Variants in ARHGAP12 observed in about 807,000 individuals in gnomAD.
The protein encoded by ARHGAP12 is rho GTPase-activating protein 12.
Under a neutral mutation model 108.6 loss-of-function variants are expected in ARHGAP12, and 64 were observed. The ratio of observed to expected loss-of-function variants is 0.59; its 90% CI spans 0.48 to 0.73. The LOEUF (loss-of-function observed/expected upper bound fraction) is 0.73. Ranked by LOEUF, ARHGAP12 falls within the 30% of genes least tolerant of loss-of-function variation. The pLI is 0.00. For missense variants in ARHGAP12, 940 were observed against 1,005.9 expected (o/e 0.93, Z 0.89); for synonymous variants, 312 against 337.2 (o/e 0.93, Z 0.82).
intron 3 of ARHGAP12, among the ~76,000 whole-genome samples, chr10:31,894,829 C>A (rs1485906559): frequency 6.6e-6 from 1 of 152,134 alleles, no homozygotes; most frequent in South Asian, 2.1e-4. Flanking sequence ...GGAGGCATCA[C>A]GCTACCTGAC....
intron 9 of ARHGAP12, among the ~76,000 whole-genome samples, chr10:31,838,463 C>G (rs1836113007): frequency 6.6e-6 from 1 of 152,100 alleles, no homozygotes. Flanking sequence ...AGGCATATCA[C>G]TTGAGGCCAC....
chr10:31,835,197 CAAAAGAAAAAAAAAAA>C (rs1835968984), intron 9 of ARHGAP12, among the ~76,000 whole-genome samples: 1 of 93,346 alleles, frequency 1.1e-5, no homozygotes, highest in Non-Finnish European at 2.2e-5. Flanking sequence ...GACTCCGTCT[CAAAAGAAAAAAAAAAA>C]AAAAGAAAAA....
intron 3 of ARHGAP12, among the ~76,000 whole-genome samples, chr10:31,870,315 C>T (rs756857902): frequency 7.9e-5 from 12 of 151,720 alleles, no homozygotes; most frequent in South Asian, 2.1e-4. Context: ...CTGCAACCTC[C>T]GCCTCCTGCG....
chr10:31,837,439 C>G (rs993700143), intron 9 of ARHGAP12, among the ~76,000 whole-genome samples: 1 of 152,142 alleles, frequency 6.6e-6, no homozygotes, highest in Non-Finnish European at 1.5e-5. Flanking sequence ...GAATTTAAAA[C>G]CTGGTAGGGA....
Position 31,820,503 on chromosome 10 carries a change from A to G in ARHGAP12, c.1531-15T>C. On this transcript the variant is annotated splice_polypyrimidine_tract_variant and intron_variant, in intron 11 of 19. Coordinates refer to ENST00000344936, the MANE Select transcript of ARHGAP12 (RefSeq NM_018287.7). ...TTACTGCCAAACTTCATTTTTGAAAAAGAAAAAAAACCTTCATGTGATACT... is the reference window on the plus strand; with the variant it reads ...TTACTGCCAAACTTCATTTTTGAAAGAGAAAAAAAACCTTCATGTGATACT... 2 of 1,550,546 alleles carry G rather than the reference A, an allele frequency of 1.3e-6. No individual in the cohort carries two copies. Among genetic ancestry groups the G allele is most frequent in the Non-Finnish European group, 1.7e-6 (2 of 1,150,554 alleles).
chr10:31,824,473 A>C (rs1304543712), intron 11 of ARHGAP12, among the ~76,000 whole-genome samples: 1 of 152,178 alleles, frequency 6.6e-6, no homozygotes, highest in Non-Finnish European at 1.5e-5. Flanking sequence ...CTATTGCCAC[A>C]TGGTAACAAA....
At chr10:31,843,259 C>A (rs571078308) in intron 7 of ARHGAP12, among the ~76,000 whole-genome samples, 1 of 152,210 alleles carries the variant, frequency 6.6e-6, no homozygotes, top group East Asian at 1.9e-4. Flanking sequence ...AATGTAGTCA[C>A]TAAAGTATGC....
intron 1 of ARHGAP12, among the ~76,000 whole-genome samples, chr10:31,923,736 A>C (rs1431133744): frequency 6.6e-6 from 1 of 152,218 alleles, no homozygotes; most frequent in African/African-American, 2.4e-5. Flanking sequence ...ATTTCCTAGA[A>C]TCAAACTAAT....
At chr10:31,829,956 C>T (rs1835768349) in intron 10 of ARHGAP12, among the ~76,000 whole-genome samples, 1 of 152,032 alleles carries the variant, frequency 6.6e-6, no homozygotes. Flanking sequence ...CAACAGACTG[C>T]AAGCAGAGAT....
chr10:31,870,524 C>T (rs868358199), intron 3 of ARHGAP12, among the ~76,000 whole-genome samples: 1 of 152,072 alleles, frequency 6.6e-6, no homozygotes, highest in Non-Finnish European at 1.5e-5. Flanking sequence ...CCACCGGACC[C>T]AGCCATAATT....
chr10:31,928,476 ACCC>A (rs58210242), intron 1 of ARHGAP12, among the ~76,000 whole-genome samples: 2 of 149,536 alleles, frequency 1.3e-5, no homozygotes, highest in Non-Finnish European at 3.0e-5. Flanking sequence ...TCGGCGCCTA[ACCC>A]CCGCGCCCAG....
At chr10:31,928,052 T>A (rs905723570) in intron 1 of ARHGAP12, among the ~76,000 whole-genome samples, 7 of 152,190 alleles carry the variant, frequency 4.6e-5, no homozygotes, top group African/African-American at 1.7e-4. Flanking sequence ...AGGTCAACAG[T>A]CCTCGAGGGA....
At chr10:31,830,300 C>T (rs1835786255) in intron 10 of ARHGAP12, among the ~76,000 whole-genome samples, 1 of 151,580 alleles carries the variant, frequency 6.6e-6, no homozygotes, top group Non-Finnish European at 1.5e-5. Flanking sequence ...TTGCTCAACT[C>T]AATGTAAATA....
chr10:31,843,716 AT>A, intron 6 of ARHGAP12, 130 bp from the exon 7 acceptor site: 2 of 1,067,736 alleles, frequency 1.9e-6, no homozygotes, highest in Non-Finnish European at 1.3e-6. Context: ...ATCTCCACAA[AT>A]TTTCCAGCCT....
chr10:31,922,557 C>A (rs1839869080), intron 1 of ARHGAP12, among the ~76,000 whole-genome samples: 2 of 151,918 alleles, frequency 1.3e-5, no homozygotes, highest in African/African-American at 4.8e-5. Context: ...GTGCATGCTA[C>A]CATGCCCTTC....
chr10:31,861,224 A>T (rs186976325), intron 4 of ARHGAP12, among the ~76,000 whole-genome samples, 171 bp downstream of exon 4: 1 of 152,364 alleles, frequency 6.6e-6, no homozygotes, highest in Admixed American at 6.5e-5. Flanking sequence ...GAGATTAGGA[A>T]GTAGCTAGCA....
Position 31,812,294 on chromosome 10 carries a change from G to C in ARHGAP12, c.1951+413C>G, listed in dbSNP as rs182282826. ...AATTAGTTAGAAAAAAACACCTTATGCTAATTTTTCAGTTACCTTAAATGA... is the reference window on the plus strand; with the variant it reads ...AATTAGTTAGAAAAAAACACCTTATCCTAATTTTTCAGTTACCTTAAATGA... On this transcript the variant is annotated intron_variant, in intron 15 of 19. Coordinates refer to ENST00000344936, the MANE Select transcript of ARHGAP12 (RefSeq NM_018287.7). 3.0e-4 allele frequency among the ~76,000 whole-genome samples: 46 copies of C among 152,132 alleles called. No individual in the cohort carries two copies. In the East Asian group the frequency reaches 8.5e-3, roughly 28 times the overall value.
chr10:31,928,575 C>G (rs1840171630), intron 1 of ARHGAP12, 108 bp downstream of exon 1: 1 of 153,256 alleles, frequency 6.5e-6, no homozygotes, highest in Non-Finnish European at 1.5e-5. Context: ...CACACGCCTC[C>G]CCCCGACTCC....
chr10:31,866,396 CAATCAGCTGCAGACTGT>C (rs1260810670), intron 3 of ARHGAP12, among the ~76,000 whole-genome samples: 1 of 152,158 alleles, frequency 6.6e-6, no homozygotes, highest in Non-Finnish European at 1.5e-5. Flanking sequence ...CATTGTACAA[CAATCAGCTGCAGACTGT>C]AATCTTTGAG....
Sources: allele counts gnomAD v4.1 joint callset (sites outside exome capture counted in the v4.1 genomes callset), GRCh38; gene constraint gnomAD v4.1.1; transcripts MANE v1.5; gene names NCBI Gene and HGNC (gene_info 2026-07-23, HGNC 2026-07-21).